The following PIGU variants were observed in gnomAD, a reference collection of about 807,000 sequenced individuals.
PIGU encodes the protein GPI-anchor transamidase component PIGU.
Under a neutral mutation model 49.9 loss-of-function variants are expected in PIGU, and 24 were observed. The ratio of observed to expected loss-of-function variants is 0.48; its 90% confidence interval spans 0.35 to 0.68. The LOEUF (loss-of-function observed/expected upper bound fraction) is 0.68, where lower values mean the gene tolerates loss of function less well. PIGU is among the 30% of genes least tolerant of loss of function. The pLI is 0.01. For synonymous variants in PIGU, 220 were observed against 205.7 expected (o/e 1.07, Z -0.59); for missense variants, 490 against 532.6 (o/e 0.92, Z 0.79).
At chr20:34,642,693 C>CATATATAT (rs11472795) in intron 4 of PIGU, among the ~76,000 whole-genome samples, 23 of 120,292 alleles carry the variant, frequency 1.9e-4, no homozygotes, top group African/African-American at 6.5e-4. Context: ...ACACATATCT[C>CATATATAT]ATATATATAT....
chr20:34,565,547 C>T (rs759818537), intron 11 of PIGU, among the ~76,000 whole-genome samples: 19 of 152,224 alleles, frequency 1.2e-4, no homozygotes, highest in African/African-American at 3.6e-4. Context: ...CATGAGCCAC[C>T]GCGCCCGGCC....
At chr20:34,609,460 G>A (rs1313047720) in intron 7 of PIGU, among the ~76,000 whole-genome samples, 9 of 151,806 alleles carry the variant, frequency 5.9e-5, no homozygotes, top group African/African-American at 1.9e-4. Flanking sequence ...CACCTTCCGC[G>A]TTCAAGCAAT....
At chr20:34,676,881 G>A (rs1453332915) in intron 1 of PIGU, 75 bp downstream of exon 1, 1 of 1,537,684 alleles carries the variant, frequency 6.5e-7, no homozygotes, top group East Asian at 2.5e-5. Context: ...GGCGGTCACT[G>A]CCCCCGCCTC....
intron 1 of PIGU, among the ~76,000 whole-genome samples, chr20:34,672,855 T>TTA (rs772400912): frequency 0.32 from 30,052 of 94,822 alleles, 6,406 homozygotes; most frequent in Admixed American, 0.51. Flanking sequence ...ACCCTGTCTC[T>TTA]CAAAAAAAAA....
chr20:34,611,685 A>G (rs1984821217), intron 7 of PIGU, among the ~76,000 whole-genome samples: 3 of 151,202 alleles, frequency 2.0e-5, no homozygotes, highest in Admixed American at 1.3e-4. Context: ...AAAAAAACCA[A>G]ACATCAAAAA....
chr20:34,665,119 G>A (rs541559623), intron 1 of PIGU, among the ~76,000 whole-genome samples: 13 of 151,092 alleles, frequency 8.6e-5, no homozygotes, highest in African/African-American at 1.5e-4. Context: ...TTCACCTCCC[G>A]GGTTCAAGCA....
intron 7 of PIGU, among the ~76,000 whole-genome samples, chr20:34,612,126 G>A (rs979527098): frequency 6.6e-6 from 1 of 152,112 alleles, no homozygotes; most frequent in Non-Finnish European, 1.5e-5. Flanking sequence ...CCAGCAATGA[G>A]ACTGGATAAA....
intron 7 of PIGU, among the ~76,000 whole-genome samples, chr20:34,603,036 C>CT (rs538971477): frequency 1.4e-3 from 199 of 146,886 alleles, no homozygotes; most frequent in East Asian, 0.01. Context: ...CTGCCCATAT[C>CT]TTTTTTTTTT....
At chr20:34,591,439 G>C (rs115946570) in intron 7 of PIGU, among the ~76,000 whole-genome samples, 2 of 151,922 alleles carry the variant, frequency 1.3e-5, no homozygotes, top group African/African-American at 4.8e-5. Flanking sequence ...TATAGAGCAG[G>C]GCACCTAATA....
At chr20:34,662,067 T>C (rs949801010) in intron 1 of PIGU, among the ~76,000 whole-genome samples, 1 of 152,134 alleles carries the variant, frequency 6.6e-6, no homozygotes, top group African/African-American at 2.4e-5. Flanking sequence ...TCATGTCCTG[T>C]GCCCCCCCGC....
intron 6 of PIGU, among the ~76,000 whole-genome samples, chr20:34,624,730 C>A (rs894483876): frequency 6.6e-6 from 1 of 152,178 alleles, no homozygotes; most frequent in African/African-American, 2.4e-5. Context: ...GCCTTCAAAG[C>A]GAAACTTAAG....
intron 9 of PIGU, among the ~76,000 whole-genome samples, chr20:34,584,322 G>A (rs1983608011): frequency 6.6e-6 from 1 of 152,096 alleles, no homozygotes; most frequent in African/African-American, 2.4e-5. Flanking sequence ...CTCTTAGACT[G>A]CAGAAGAGGA....
At chr20:34,567,794 T>C (rs1391794796) in intron 11 of PIGU, among the ~76,000 whole-genome samples, 1 of 143,070 alleles carries the variant, frequency 7.0e-6, no homozygotes, top group Non-Finnish European at 1.5e-5. Context: ...CTTTGCTCCC[T>C]CCTTCCTCCT....
At chr20:34,640,889 C>T (rs1487535655) in intron 4 of PIGU, among the ~76,000 whole-genome samples, 1 of 152,112 alleles carries the variant, frequency 6.6e-6, no homozygotes, top group African/African-American at 2.4e-5. Context: ...TCCCCTACTT[C>T]AAATAAAGGG....
chr20:34,578,447 T>C lies in PIGU; in HGVS notation c.1051+3101A>G, dbSNP rs375314026. ...GTTCTTTCTGATCCCCTGGAAATTA[T>C]TTTGCTGAAAAGAATACAGACTATT... is the stretch of plus-strand genomic sequence containing the variant. On this transcript the variant is annotated intron_variant, in intron 10 of 11. Transcript: ENST00000217446. Among the ~76,000 whole-genome samples the C allele has an allele frequency of 2.7e-4, 41 of 152,324 alleles. No homozygotes were observed. In the East Asian group the frequency reaches 5.8e-3, roughly 21 times the overall value.
At chr20:34,599,823 G>GC (rs1284110070) in intron 7 of PIGU, among the ~76,000 whole-genome samples, 2 of 151,978 alleles carry the variant, frequency 1.3e-5, no homozygotes, top group East Asian at 1.9e-4. Context: ...CAACGTTATG[G>GC]CCCCCCCTGT....
In PIGU at chr20:34,657,986, C is replaced by CCTCTCT. The variant is rs1308461713; in HGVS notation, c.131-748_131-743dup. On this transcript the variant is annotated intron_variant, in intron 1 of 11. Transcript: ENST00000217446. ...TCTCTCTCTCCACGGTCTCCCTCTC[C>CCTCTCT]CTCTCTTTCCACGGTCTCCCTCTCC... is the stretch of plus-strand genomic sequence containing the variant. 2.0e-5 allele frequency among the ~76,000 whole-genome samples: 3 copies of CCTCTCT among 147,652 alleles called. No homozygotes were observed. In the South Asian group the frequency reaches 6.3e-4, roughly 31 times the overall value.
At chr20:34,675,083 T>G (rs1987453335) in intron 1 of PIGU, among the ~76,000 whole-genome samples, 1 of 151,500 alleles carries the variant, frequency 6.6e-6, no homozygotes, top group Admixed American at 6.6e-5. Context: ...CCCCTGTCTC[T>G]ACTAAAAATA....
intron 7 of PIGU, among the ~76,000 whole-genome samples, chr20:34,600,283 T>C (rs1200566233): frequency 6.6e-6 from 1 of 152,014 alleles, no homozygotes; most frequent in Non-Finnish European, 1.5e-5. Context: ...GGTGGGCATC[T>C]GTAATCCCAG....
Sources: gnomAD v4.1 joint callset for allele counts (sites outside exome capture counted in the v4.1 genomes callset) on GRCh38, gnomAD v4.1.1 for gene constraint, MANE v1.5 for transcripts, NCBI Gene and HGNC (gene_info 2026-07-23, HGNC 2026-07-21) for gene names.